Variants in NBAS observed in about 807,000 individuals in gnomAD.
The protein encoded by NBAS is NAG/BC035112 fusion.
In NBAS, 219 loss-of-function variants were observed where a neutral mutation model predicts 302.5. The ratio of observed to expected loss-of-function variants is 0.72; its 90% CI spans 0.65 to 0.81. The LOEUF (loss-of-function observed/expected upper bound fraction) is 0.81. Ranked by LOEUF, NBAS falls within the 30% of genes least tolerant of loss-of-function variation. The pLI, the probability that NBAS is intolerant of heterozygous loss-of-function variation, is 0.00. For synonymous variants in NBAS, 1,118 were observed against 1,021.6 expected (o/e 1.09, Z -1.80); for missense variants, 2,932 against 2,841.6 (o/e 1.03, Z -0.72).
chr2:15,058,797 T>C, the NBAS span, among the ~76,000 whole-genome samples: 2 of 152,208 alleles, frequency 1.3e-5, no homozygotes, highest in East Asian at 3.8e-4. Context: ...GTGGCGAATG[T>C]CCTCAAATTG....
At chr2:14,802,772 A>G in the NBAS span, among the ~76,000 whole-genome samples, 8 of 146,348 alleles carry the variant, frequency 5.5e-5, no homozygotes, top group African/African-American at 2.1e-4. Context: ...CATCATTCTC[A>G]GTAAACTATC....
chr2:15,056,386 G>A, the NBAS span, among the ~76,000 whole-genome samples: 382 of 152,302 alleles, frequency 2.5e-3, 4 homozygotes, highest in African/African-American at 7.1e-3. Flanking sequence ...ACAACCTACT[G>A]TCAAATGCTT....
chr2:15,150,642 T>C, the NBAS span, among the ~76,000 whole-genome samples: 5 of 152,232 alleles, frequency 3.3e-5, no homozygotes, highest in Non-Finnish European at 5.9e-5. Context: ...TTGTCCCTTT[T>C]GTTGTTTTTT....
At chr2:14,916,414 G>T in the NBAS span, among the ~76,000 whole-genome samples, 2 of 152,114 alleles carry the variant, frequency 1.3e-5, no homozygotes, top group Admixed American at 6.5e-5. Flanking sequence ...TAAGTGTACT[G>T]CAGCTGTGCA....
chr2:14,783,405 G>A, the NBAS span, among the ~76,000 whole-genome samples: 1 of 151,022 alleles, frequency 6.6e-6, no homozygotes, highest in Admixed American at 6.6e-5. Flanking sequence ...GTGCCATGCT[G>A]GTGTGCTGCA....
the NBAS span, among the ~76,000 whole-genome samples, chr2:15,097,389 G>C: frequency 6.6e-6 from 1 of 152,242 alleles, no homozygotes. Flanking sequence ...AAGTCATGAG[G>C]AGTGAAGAAT....
At chr2:14,860,889 G>A in the NBAS span, among the ~76,000 whole-genome samples, 1 of 152,086 alleles carries the variant, frequency 6.6e-6, no homozygotes, top group Non-Finnish European at 1.5e-5. Flanking sequence ...ATTTAAGGTG[G>A]TGGAGATCCC....
Position 15,179,041 on chromosome 2 carries a change from G to A in NBAS, c.6787C>T (p.Arg2263Ter), listed in dbSNP as rs746756510. Residue 2263 changes from arginine (R) to a stop codon, truncating the protein, a stop_gained, in exon 51 of 52, where the codon CGA becomes TGA. Transcript: ENST00000281513. LOFTEE classifies it high-confidence loss of function. Reference protein sequence around the residue: ...LPSLKLLLESRDEHLHEMALE... With the variant: ...LPSLKLLLES ...GCCATCTCGTGCAGATGCTCATCTC[G>A]GCTCTCGAGGAGAAGTTTCAGAGAT... 8 of 1,613,942 alleles carry A rather than the reference G, an allele frequency of 5.0e-6. No individual in the cohort carries two copies. In the South Asian group the frequency reaches 5.5e-5, roughly 11 times the overall value.
At chr2:15,075,037 A>G in the NBAS span, among the ~76,000 whole-genome samples, 2 of 152,232 alleles carry the variant, frequency 1.3e-5, no homozygotes, top group Non-Finnish European at 2.9e-5. Context: ...ACACTCTTCA[A>G]ATCGGCAATT....
the NBAS span, among the ~76,000 whole-genome samples, chr2:15,117,124 A>C: frequency 3.3e-5 from 5 of 152,250 alleles, no homozygotes; most frequent in South Asian, 1.0e-3. Context: ...GGTCTGTCTG[A>C]CATACCTGGC....
Position 15,204,397 on chromosome 2 carries a change from T to C in NBAS, c.6433-13994A>G, listed in dbSNP as rs554682044. 9.2e-5 allele frequency among the ~76,000 whole-genome samples: 14 copies of C among 152,302 alleles called. No homozygotes were observed. The South Asian group carries it at 2.9e-3, about 32-fold the overall frequency. ...TATGTACTCCAGGATTGAGCAAATATATAAATATATTATGGATAATGAACC... is the reference window on the plus strand; with the variant it reads ...TATGTACTCCAGGATTGAGCAAATACATAAATATATTATGGATAATGAACC... On this transcript the variant is annotated intron_variant, in intron 48 of 51. Coordinates refer to ENST00000281513, the MANE Select transcript of NBAS (RefSeq NM_015909.4).
chr2:15,519,242 T>C (rs909776057), intron 9 of NBAS, among the ~76,000 whole-genome samples: 1 of 152,210 alleles, frequency 6.6e-6, no homozygotes, highest in African/African-American at 2.4e-5. Flanking sequence ...TTCTAACTTT[T>C]TGGAAATCAA....
At chr2:15,430,059 T>C (rs759387569) in intron 21 of NBAS, among the ~76,000 whole-genome samples, 1 of 152,130 alleles carries the variant, frequency 6.6e-6, no homozygotes, top group Non-Finnish European at 1.5e-5. Context: ...AAAACAGACA[T>C]GGCTCCTTAA....
At chr2:15,073,556 G>A in the NBAS span, among the ~76,000 whole-genome samples, 1 of 150,206 alleles carries the variant, frequency 6.7e-6, no homozygotes, top group East Asian at 2.0e-4. Flanking sequence ...TGTATCCCCC[G>A]CATCCTATCA....
the NBAS span, among the ~76,000 whole-genome samples, chr2:15,086,176 G>A: frequency 2.6e-5 from 4 of 152,064 alleles, no homozygotes; most frequent in African/African-American, 7.2e-5. Context: ...ACTCATAAAA[G>A]CCCCAGGCTG....
At chr2:15,180,377 C>A (rs972517034) in intron 50 of NBAS, 1 of 152,186 alleles carries the variant, frequency 6.6e-6, no homozygotes, top group Non-Finnish European at 1.5e-5. Flanking sequence ...CCTCATACAT[C>A]GGGAATTCTA....
At chr2:14,926,440 G>A in the NBAS span, among the ~76,000 whole-genome samples, 7 of 152,028 alleles carry the variant, frequency 4.6e-5, no homozygotes, top group Admixed American at 4.6e-4. Context: ...GTTAACCTCG[G>A]CTGTGTCTTG....
chr2:15,358,907 T>C (rs1268490203), intron 32 of NBAS, among the ~76,000 whole-genome samples: 1 of 152,246 alleles, frequency 6.6e-6, no homozygotes, highest in Admixed American at 6.5e-5. Context: ...ATCACAGTTC[T>C]GGCATGCGGG....
the NBAS span, among the ~76,000 whole-genome samples, chr2:15,066,010 T>A: frequency 6.6e-6 from 1 of 151,944 alleles, no homozygotes; most frequent in African/African-American, 2.4e-5. Flanking sequence ...AACAAAATTG[T>A]ATGCTACTGA....
Sources: allele counts gnomAD v4.1 joint callset (sites outside exome capture counted in the v4.1 genomes callset), GRCh38; gene constraint gnomAD v4.1.1; transcripts MANE v1.5; gene names NCBI Gene and HGNC (gene_info 2026-07-23, HGNC 2026-07-21).